The following DNAJC5B variants were observed in gnomAD, a reference collection of about 807,000 sequenced individuals.
DNAJC5B encodes dnaJ homolog subfamily C member 5B.
Under a neutral mutation model 24.7 loss-of-function variants are expected in DNAJC5B, and 23 were observed. The ratio of observed to expected loss-of-function variants is 0.93; its 90% CI spans 0.67 to 1.32. The LOEUF (loss-of-function observed/expected upper bound fraction) is 1.32, where lower values mean the gene tolerates loss of function less well. DNAJC5B is among the 40% of genes most tolerant of loss of function. DNAJC5B has a pLI of 0.00. For synonymous variants in DNAJC5B, 101 were observed against 90.1 expected (o/e 1.12, Z -0.68); for missense variants, 238 against 240.8 (o/e 0.99, Z 0.08).
intron 2 of DNAJC5B, among the ~76,000 whole-genome samples, chr8:66,045,476 G>GA (rs1195229642): frequency 1.3e-5 from 2 of 152,050 alleles, no homozygotes; most frequent in African/African-American, 2.4e-5. Flanking sequence ...GTGATGATTG[G>GA]AAAAAACATT....
intron 3 of DNAJC5B, among the ~76,000 whole-genome samples, chr8:66,071,324 A>G (rs1222650361): frequency 6.6e-6 from 1 of 152,252 alleles, no homozygotes; most frequent in African/African-American, 2.4e-5. Context: ...TAATATCCAG[A>G]ATCGACAAAG....
chr8:66,070,310 C>T (rs1441211968), intron 3 of DNAJC5B, among the ~76,000 whole-genome samples: 1 of 152,164 alleles, frequency 6.6e-6, no homozygotes. Context: ...TTAGAAAACC[C>T]CATTGTCTCA....
intron 5 of DNAJC5B, among the ~76,000 whole-genome samples, chr8:66,092,445 T>C (rs1275580856): frequency 6.6e-6 from 1 of 151,812 alleles, no homozygotes; most frequent in African/African-American, 2.4e-5. Context: ...AGTCAGACAA[T>C]CCTGGCTCAG....
intron 1 of DNAJC5B, among the ~76,000 whole-genome samples, chr8:66,024,404 CTT>C (rs989285742): frequency 1.3e-4 from 14 of 109,352 alleles, no homozygotes; most frequent in Non-Finnish European, 1.6e-4. Flanking sequence ...TTTCAGGATT[CTT>C]TTTTTTTTTT....
intron 3 of DNAJC5B, among the ~76,000 whole-genome samples, chr8:66,076,322 C>A (rs1211422517): frequency 6.6e-6 from 1 of 152,146 alleles, no homozygotes; most frequent in Non-Finnish European, 1.5e-5. Flanking sequence ...TGCTGAAACT[C>A]TTAAAGGTCT....
chr8:66,018,246 C>T (rs1040870041), upstream of DNAJC5B, among the ~76,000 whole-genome samples: 1 of 152,118 alleles, frequency 6.6e-6, no homozygotes, highest in African/African-American at 2.4e-5. Context: ...CAGCCGGGCG[C>T]AGTGGCTCAC....
chr8:66,076,681 T>C lies in DNAJC5B; in HGVS notation c.141T>C (p.His47=), dbSNP rs150424555. 375 of 1,613,920 alleles carry C rather than the reference T, an allele frequency of 2.3e-4. 1 individual carries two copies. The highest frequency in any genetic ancestry group is 2.9e-4 in the Non-Finnish European group (337 of 1,179,996). ...AAAGAAAATTGGCCCTGAAACACCA[T>C]CCAGACAAGAATCCAGATGATCCAG... ...KTYRKLALKH[H]PDKNPDDPAA... Residue 47 remains histidine, a synonymous_variant, in exon 4 of 6, where the codon CAT becomes CAC. Transcript: ENST00000276570.
At chr8:66,031,126 G>C (rs770731877) in intron 1 of DNAJC5B, among the ~76,000 whole-genome samples, 1 of 152,164 alleles carries the variant, frequency 6.6e-6, no homozygotes, top group Non-Finnish European at 1.5e-5. Context: ...CTAGGGAATG[G>C]TAAAATCATA....
At chr8:66,094,649 A>C (rs1366277363) in intron 5 of DNAJC5B, among the ~76,000 whole-genome samples, 1 of 151,942 alleles carries the variant, frequency 6.6e-6, no homozygotes, top group Non-Finnish European at 1.5e-5. Flanking sequence ...CAAGTATGTG[A>C]ACCCAGTTTT....
In DNAJC5B at chr8:66,035,516, C is replaced by T. The variant is rs117160127; in HGVS notation, c.-141-7972C>T. Reference sequence around the variant, plus strand: ...CAGAGTGGGGAAAACTATGTGAAGACGCAGACCCAGGGCAGAACAGCATGT... The same window carrying T: ...CAGAGTGGGGAAAACTATGTGAAGATGCAGACCCAGGGCAGAACAGCATGT... On this transcript the variant is annotated intron_variant, in intron 1 of 5. Coordinates refer to ENST00000276570, the MANE Select transcript of DNAJC5B (RefSeq NM_033105.6). Among the ~76,000 whole-genome samples, 358 of 152,200 alleles carry T rather than the reference C, an allele frequency of 2.4e-3. 1 individual carries two copies. The highest frequency in any genetic ancestry group is 4.2e-3 in the Non-Finnish European group (286 of 68,014).
intron 1 of DNAJC5B, among the ~76,000 whole-genome samples, chr8:66,036,211 G>A (rs763577353): frequency 3.9e-5 from 6 of 152,150 alleles, no homozygotes; most frequent in Non-Finnish European, 5.9e-5. Context: ...AGCAGCCCCC[G>A]GCAGCATTTA....
At chr8:66,020,068 G>A (rs958499004), upstream of DNAJC5B, among the ~76,000 whole-genome samples, 1 of 152,224 alleles carries the variant, frequency 6.6e-6, no homozygotes, top group African/African-American at 2.4e-5. Flanking sequence ...CTTCAAGTGT[G>A]TTCTGGGACC....
intron 3 of DNAJC5B, among the ~76,000 whole-genome samples, chr8:66,071,465 G>C (rs1364781302): frequency 2.0e-5 from 3 of 152,142 alleles, no homozygotes; most frequent in African/African-American, 4.8e-5. Flanking sequence ...CATCATCACT[G>C]GTCATTAGAG....
At chr8:66,027,118 A>G (rs1374088758) in intron 1 of DNAJC5B, among the ~76,000 whole-genome samples, 4 of 152,174 alleles carry the variant, frequency 2.6e-5, no homozygotes, top group Non-Finnish European at 5.9e-5. Context: ...TTGTGGTCCC[A>G]TTATTCCAAT....
chr8:66,094,425 T>G (rs1157633875), intron 5 of DNAJC5B, among the ~76,000 whole-genome samples: 1 of 152,116 alleles, frequency 6.6e-6, no homozygotes, highest in Non-Finnish European at 1.5e-5. Flanking sequence ...ATTATATATG[T>G]ATTTTCCTAC....
chr8:66,060,373 T>G (rs1380072540), intron 3 of DNAJC5B, among the ~76,000 whole-genome samples: 1 of 152,232 alleles, frequency 6.6e-6, no homozygotes, highest in East Asian at 1.9e-4. Context: ...CAGCTGGGGC[T>G]GTCACAGCCG....
At chr8:66,064,622 T>G (rs567093135) in intron 3 of DNAJC5B, among the ~76,000 whole-genome samples, 2 of 152,346 alleles carry the variant, frequency 1.3e-5, no homozygotes, top group South Asian at 4.1e-4. Flanking sequence ...GCCCAGAAAC[T>G]TTTATTGGGA....
intron 4 of DNAJC5B, among the ~76,000 whole-genome samples, chr8:66,077,852 G>A (rs928665352): frequency 6.8e-4 from 103 of 152,312 alleles, no homozygotes; most frequent in African/African-American, 1.7e-3. Flanking sequence ...TCAGAGTTCT[G>A]TTTCTCAGGG....
Position 66,078,034 on chromosome 8 carries a change from G to A in DNAJC5B, c.333+1161G>A, listed in dbSNP as rs575779012. Among the ~76,000 whole-genome samples, 14 of 151,946 alleles carry A rather than the reference G, an allele frequency of 9.2e-5. No individual in the cohort carries two copies. In the South Asian group the frequency reaches 2.1e-3, roughly 22 times the overall value. ...ACAGTACAAGCTTTTGTGGGTTTGC[G>A]TGGGAACCCAACCTCTGGGCGTGAC... On this transcript the variant is annotated intron_variant, in intron 4 of 5. Coordinates refer to ENST00000276570, the MANE Select transcript of DNAJC5B (RefSeq NM_033105.6).
Sources: gnomAD v4.1 joint callset for allele counts (sites outside exome capture counted in the v4.1 genomes callset) on GRCh38, gnomAD v4.1.1 for gene constraint, MANE v1.5 for transcripts, NCBI Gene and HGNC (gene_info 2026-07-23, HGNC 2026-07-21) for gene names.